VTI1A: variants seen among roughly 807,000 people sequenced by gnomAD.
VTI1A encodes the protein vesicle transport through interaction with t-SNAREs homolog 1A.
In VTI1A, 22 loss-of-function variants were observed where a neutral mutation model predicts 34.9. That is an observed-to-expected ratio of 0.63 (90% CI 0.45 to 0.90). The LOEUF (loss-of-function observed/expected upper bound fraction) is 0.90, where lower values mean the gene tolerates loss of function less well. VTI1A is among the 40% of genes least tolerant of loss of function. The pLI is 0.00. For missense variants in VTI1A, 268 were observed against 275.6 expected (o/e 0.97, Z 0.20); for synonymous variants, 87 against 97.3 (o/e 0.89, Z 0.62).
chr10:112,819,542 G>C (rs1038794401), downstream of VTI1A, among the ~76,000 whole-genome samples: 8 of 152,148 alleles, frequency 5.3e-5, no homozygotes, highest in African/African-American at 1.9e-4. Flanking sequence ...GGGTCTGATT[G>C]GGGGTATGTC....
intron 5 of VTI1A, among the ~76,000 whole-genome samples, chr10:112,662,426 G>A (rs770724156): frequency 1.3e-5 from 2 of 151,962 alleles, no homozygotes; most frequent in African/African-American, 2.4e-5. Flanking sequence ...ATTCTATAGC[G>A]AAGGATATTC....
intron 7 of VTI1A, among the ~76,000 whole-genome samples, chr10:112,680,648 G>A (rs1848179856): frequency 6.6e-6 from 1 of 152,192 alleles, no homozygotes; most frequent in South Asian, 2.1e-4. Context: ...AGCTTTTGTT[G>A]TGACATTTTA....
chr10:112,567,573 G>A (rs985328464), intron 5 of VTI1A, among the ~76,000 whole-genome samples: 15 of 152,048 alleles, frequency 9.9e-5, no homozygotes, highest in Admixed American at 2.6e-4. Flanking sequence ...ATGTAATTAA[G>A]CCTTTTTCTC....
At chr10:112,736,111 G>GTGTGTGTATATATA (rs778802494) in intron 7 of VTI1A, among the ~76,000 whole-genome samples, 2 of 116,224 alleles carry the variant, frequency 1.7e-5, no homozygotes, top group African/African-American at 7.5e-5. Flanking sequence ...ATGTGTGTGT[G>GTGTGTGTATATATA]TATATATATA....
chr10:112,520,697 T>C (rs1281384454), intron 3 of VTI1A, among the ~76,000 whole-genome samples: 2 of 150,012 alleles, frequency 1.3e-5, no homozygotes, highest in Non-Finnish European at 3.0e-5. Flanking sequence ...TGCATATAAA[T>C]ATTCACATAT....
intron 7 of VTI1A, among the ~76,000 whole-genome samples, chr10:112,716,059 CT>C (rs1326510030): frequency 6.6e-6 from 1 of 152,084 alleles, no homozygotes; most frequent in Non-Finnish European, 1.5e-5. Flanking sequence ...AGAAGGGGAT[CT>C]AGTGGGAACA....
chr10:112,738,911 G>A (rs1044098065), intron 7 of VTI1A, among the ~76,000 whole-genome samples: 7 of 152,268 alleles, frequency 4.6e-5, no homozygotes, highest in South Asian at 4.1e-4. Context: ...TGACCTAGCC[G>A]CATGATCCCG....
At chr10:112,584,273 T>G (rs907030481) in intron 5 of VTI1A, among the ~76,000 whole-genome samples, 5 of 152,166 alleles carry the variant, frequency 3.3e-5, no homozygotes, top group African/African-American at 1.2e-4. Context: ...AGGCAGAACT[T>G]TGACATCAGA....
At chr10:112,819,548 A>G (rs1169527513), downstream of VTI1A, among the ~76,000 whole-genome samples, 1 of 152,098 alleles carries the variant, frequency 6.6e-6, no homozygotes, top group African/African-American at 2.4e-5. Context: ...GATTGGGGGT[A>G]TGTCTTGGGC....
At chr10:112,503,019 C>T (rs1849296106) in intron 3 of VTI1A, among the ~76,000 whole-genome samples, 1 of 152,044 alleles carries the variant, frequency 6.6e-6, no homozygotes. Flanking sequence ...AATAGATGTA[C>T]ATATTTTCAG....
chr10:112,733,335 A>G (rs193092907), intron 7 of VTI1A, among the ~76,000 whole-genome samples: 7 of 152,248 alleles, frequency 4.6e-5, no homozygotes, highest in Admixed American at 3.3e-4. Context: ...CCTAGTTCCA[A>G]AACATTTTCA....
chr10:112,566,453 T>G (rs1851906964), intron 5 of VTI1A, among the ~76,000 whole-genome samples: 1 of 152,226 alleles, frequency 6.6e-6, no homozygotes, highest in African/African-American at 2.4e-5. Flanking sequence ...ATGAAAAAAT[T>G]TGACTTGTAC....
At chr10:112,529,396 C>T (rs769874412) in intron 4 of VTI1A, among the ~76,000 whole-genome samples, 10 of 152,110 alleles carry the variant, frequency 6.6e-5, no homozygotes, top group Non-Finnish European at 1.5e-4. Flanking sequence ...GGTATGGTCA[C>T]TTGAGAATAA....
At chr10:112,622,186 G>A (rs1845760025) in intron 5 of VTI1A, among the ~76,000 whole-genome samples, 1 of 152,116 alleles carries the variant, frequency 6.6e-6, no homozygotes, top group Non-Finnish European at 1.5e-5. Context: ...TCAACAACAT[G>A]CCATAAGCCA....
chr10:112,741,946 T>C (rs946798993), intron 7 of VTI1A, among the ~76,000 whole-genome samples: 10 of 152,320 alleles, frequency 6.6e-5, no homozygotes, highest in African/African-American at 2.4e-4. Flanking sequence ...TAGCAATGCA[T>C]ATTGAGATAT....
chr10:112,548,823 C>CT (rs1301470278), intron 5 of VTI1A: 1 of 1,495,780 alleles, frequency 6.7e-7, no homozygotes, highest in African/African-American at 1.4e-5. Flanking sequence ...CATCACCAGA[C>CT]TTTAAGAATT....
intron 5 of VTI1A, among the ~76,000 whole-genome samples, chr10:112,546,571 G>C (rs560941635): frequency 6.6e-6 from 1 of 152,140 alleles, no homozygotes; most frequent in South Asian, 2.1e-4. Flanking sequence ...TTGTCCGCTA[G>C]AATAGCTAGT....
chr10:112,516,260 A>G (rs1159974567), intron 3 of VTI1A, among the ~76,000 whole-genome samples: 1 of 152,092 alleles, frequency 6.6e-6, no homozygotes, highest in African/African-American at 2.4e-5. Context: ...TCTACATAAT[A>G]AAAAATGGCA....
At chr10:112,516,132 AG>A (rs1358804943) in intron 3 of VTI1A, among the ~76,000 whole-genome samples, 1 of 152,122 alleles carries the variant, frequency 6.6e-6, no homozygotes, top group Non-Finnish European at 1.5e-5. Flanking sequence ...CCAGGCTTGT[AG>A]CGGAGCTTCT....
Sources: allele counts gnomAD v4.1 joint callset (sites outside exome capture counted in the v4.1 genomes callset), GRCh38; gene constraint gnomAD v4.1.1; transcripts MANE v1.5; gene names NCBI Gene and HGNC (gene_info 2026-07-23, HGNC 2026-07-21).